GRIK1: variants seen among roughly 807,000 people sequenced by gnomAD.
The protein encoded by GRIK1 is glutamate receptor ionotropic, kainate 1.
Under a neutral mutation model 105.7 loss-of-function variants are expected in GRIK1, and 69 were observed. The observed-to-expected ratio is 0.65, with a 90% CI of 0.54 to 0.80. GRIK1 has a LOEUF of 0.80. Ranked by LOEUF, GRIK1 falls within the 30% of genes least tolerant of loss-of-function variation. GRIK1 has a pLI of 0.00. For missense variants in GRIK1, 1,109 were observed against 1,167.3 expected, an observed-to-expected ratio of 0.95 and a Z score of 0.73; for synonymous variants, 438 against 431.3, an observed-to-expected ratio of 1.02 and a Z score of -0.19.
chr21:29,863,485 T>C lies in GRIK1; in HGVS notation c.118+75898A>G, dbSNP rs551888524. ...TTCCCAAACCCCAGCTCATCTGCTT[T>C]TAACTCTTTTAGCTATTAATATTTC... On this transcript the variant is annotated intron_variant, in intron 1 of 17. Coordinates refer to ENST00000327783, the MANE Select transcript of GRIK1 (RefSeq NM_001330994.2). 2.0e-5 allele frequency among the ~76,000 whole-genome samples: 3 copies of C among 152,314 alleles called. No homozygotes were observed. The South Asian group carries it at 6.2e-4, about 32-fold the overall frequency.
At chr21:29,774,920 T>A (rs1244853415) in intron 1 of GRIK1, among the ~76,000 whole-genome samples, 1 of 152,156 alleles carries the variant, frequency 6.6e-6, no homozygotes, top group Non-Finnish European at 1.5e-5. Flanking sequence ...AACAAGGGGA[T>A]CCACATTTTC....
intron 1 of GRIK1, among the ~76,000 whole-genome samples, chr21:29,894,051 T>A (rs2070011695): frequency 1.3e-5 from 2 of 152,086 alleles, no homozygotes; most frequent in Admixed American, 1.3e-4. Flanking sequence ...TGGTTGTAGG[T>A]TGCACATGAG....
At chr21:29,568,029 T>C (rs1474883601) in intron 14 of GRIK1, among the ~76,000 whole-genome samples, 1 of 152,228 alleles carries the variant, frequency 6.6e-6, no homozygotes, top group Non-Finnish European at 1.5e-5. Context: ...GGATTCCCTT[T>C]AGAAAATTCC....
At chr21:29,684,852 T>A (rs2063458364) in intron 3 of GRIK1, among the ~76,000 whole-genome samples, 1 of 152,226 alleles carries the variant, frequency 6.6e-6, no homozygotes, top group African/African-American at 2.4e-5. Flanking sequence ...TATCTACCTA[T>A]CATGATCTAT....
chr21:29,772,538 T>C (rs773543055), intron 1 of GRIK1, among the ~76,000 whole-genome samples: 25 of 152,194 alleles, frequency 1.6e-4, no homozygotes, highest in Admixed American at 1.0e-3. Context: ...AAGGACAAAG[T>C]TTTATCTTTC....
intron 7 of GRIK1, among the ~76,000 whole-genome samples, chr21:29,626,901 T>A (rs1247738089): frequency 6.6e-6 from 1 of 152,212 alleles, no homozygotes; most frequent in Non-Finnish European, 1.5e-5. Flanking sequence ...TGAAAACAAA[T>A]GTTGCATGTT....
chr21:29,746,749 A>T (rs2065058765), intron 1 of GRIK1, among the ~76,000 whole-genome samples: 1 of 152,250 alleles, frequency 6.6e-6, no homozygotes, highest in African/African-American at 2.4e-5. Context: ...ATGACACACA[A>T]ATATAAACCA....
At chr21:29,643,757 T>C (rs2062561820) in intron 6 of GRIK1, among the ~76,000 whole-genome samples, 1 of 152,252 alleles carries the variant, frequency 6.6e-6, no homozygotes, top group Non-Finnish European at 1.5e-5. Context: ...TATAATACCC[T>C]TGCATTTCAC....
chr21:29,712,290 C>A (rs1352003293), intron 1 of GRIK1, among the ~76,000 whole-genome samples: 2 of 152,020 alleles, frequency 1.3e-5, no homozygotes, highest in Admixed American at 1.3e-4. Flanking sequence ...TATTGCCAGA[C>A]ATTATATTCA....
At chr21:29,844,981 C>T (rs568088989) in intron 1 of GRIK1, among the ~76,000 whole-genome samples, 101 of 152,172 alleles carry the variant, frequency 6.6e-4, no homozygotes, top group Non-Finnish European at 1.3e-3. Flanking sequence ...AGACTGTCCA[C>T]TGTTTGATAT....
chr21:29,909,753 A>T (rs2070753853), intron 1 of GRIK1, among the ~76,000 whole-genome samples: 2 of 152,164 alleles, frequency 1.3e-5, no homozygotes, highest in East Asian at 1.9e-4. Flanking sequence ...TTTCTGAAAA[A>T]TCACATGGGC....
intron 13 of GRIK1, among the ~76,000 whole-genome samples, chr21:29,578,546 C>T (rs184203853): frequency 2.0e-5 from 3 of 152,306 alleles, no homozygotes; most frequent in Admixed American, 6.5e-5. Flanking sequence ...ATATATTCTC[C>T]TAATGCTATT....
At chr21:29,867,607 C>T (rs947665401) in intron 1 of GRIK1, among the ~76,000 whole-genome samples, 4 of 152,078 alleles carry the variant, frequency 2.6e-5, no homozygotes, top group Middle Eastern at 6.8e-3. Context: ...CCAGCCTAAC[C>T]AACATGGAGA....
intron 1 of GRIK1, among the ~76,000 whole-genome samples, chr21:29,723,701 T>G (rs1056933813): frequency 2.0e-5 from 3 of 152,228 alleles, no homozygotes; most frequent in African/African-American, 7.2e-5. Flanking sequence ...TATGGAACAA[T>G]GGACCAGCCT....
chr21:29,673,984 G>A (rs950138466), intron 3 of GRIK1, among the ~76,000 whole-genome samples: 3 of 152,036 alleles, frequency 2.0e-5, no homozygotes, highest in East Asian at 3.9e-4. Flanking sequence ...TCCCTCTTAT[G>A]TTCCCTAATG....
In GRIK1 at chr21:29,747,555, G is replaced by A. The variant is rs117461933; in HGVS notation, c.119-53492C>T. On this transcript the variant is annotated intron_variant, in intron 1 of 17. Transcript: ENST00000327783. ...AGAAAGAATAGAAAGCATGGGCCAG[G>A]CCGGGTGGCTCACACCTATAATCCC... Among the ~76,000 whole-genome samples, 6 of 152,296 alleles carry A rather than the reference G, an allele frequency of 3.9e-5. No homozygotes were observed. The East Asian group carries it at 1.2e-3, about 29-fold the overall frequency.
chr21:29,804,373 C>T (rs970189996), intron 1 of GRIK1, among the ~76,000 whole-genome samples: 1 of 151,976 alleles, frequency 6.6e-6, no homozygotes, highest in Non-Finnish European at 1.5e-5. Flanking sequence ...AAAGTGCTTC[C>T]TAAGAAAGAT....
At chr21:29,541,575 C>CGTTTTTTTTTTTTTTTTTTT (rs2089970947) in intron 16 of GRIK1, among the ~76,000 whole-genome samples, 1 of 96,006 alleles carries the variant, frequency 1.0e-5, no homozygotes, top group African/African-American at 4.8e-5. Flanking sequence ...CACTCACGGT[C>CGTTTTTTTTTTTTTTTTTTT]TTTTTTTTTT....
At chr21:29,723,582 G>A (rs1403494604) in intron 1 of GRIK1, among the ~76,000 whole-genome samples, 1 of 152,150 alleles carries the variant, frequency 6.6e-6, no homozygotes, top group Non-Finnish European at 1.5e-5. Context: ...GCTTTGTCTT[G>A]TTTTAATACA....
Sources: allele counts gnomAD v4.1 joint callset (sites outside exome capture counted in the v4.1 genomes callset), GRCh38; gene constraint gnomAD v4.1.1; transcripts MANE v1.5; gene names NCBI Gene and HGNC (gene_info 2026-07-23, HGNC 2026-07-21).